SLC35G5: variants seen among roughly 807,000 people sequenced by gnomAD.
SLC35G5 encodes the protein solute carrier family 35 member G5.
A neutral mutation model predicts 17.6 loss-of-function variants in SLC35G5; 14 were observed. That is an observed-to-expected ratio of 0.79 (90% CI 0.52 to 1.24). SLC35G5 has a LOEUF of 1.24. Among genes scored for constraint, SLC35G5 ranks in the 50% most tolerant of loss-of-function variants. The pLI, the probability that SLC35G5 is intolerant of heterozygous loss-of-function variation, is 0.00. For synonymous variants in SLC35G5, 236 were observed against 194.9 expected, an observed-to-expected ratio of 1.21 and a Z score of -1.76; for missense variants, 541 against 430.3, an observed-to-expected ratio of 1.26 and a Z score of -2.28.
rs1442810597 is a variant in SLC35G5, at chr8:11,331,752, C to G, written c.646C>G (p.Pro216Ala). ...GLLVYRSLHF[P>A]SCLPTVAFLS... is the part of the protein sequence containing the mutation. ...TCTGGTCTATCGTTCTCTGCACTTT[C>G]CCTCCTGCCTCCCAACAGTGGCCTT... The change falls in exon 1 of 1, where the codon CCC (proline) becomes GCC (alanine). Residue 216 changes from proline (P) to alanine (A), a missense_variant. Physicochemically the swap from Pro to Ala is conservative, Grantham distance 27. Transcript: ENST00000382435. 1.2e-6 allele frequency: 2 copies of G among 1,611,860 alleles called. No homozygotes were observed. The highest frequency in any genetic ancestry group is 4.5e-5 in the East Asian group (2 of 44,890).
At position 11,331,381 on chromosome 8, in the gene SLC35G5, A is replaced by AC; in HGVS notation, c.280dup (p.Leu94ProfsTer6). On this transcript the variant is annotated frameshift_variant, in exon 1 of 1. Transcript: ENST00000382435. LOFTEE classifies it high-confidence loss of function. The stretch of plus-strand genomic sequence containing the variant: ...GCCCTGCTACTTAAACTGCGTGGCG[A>AC]CCCCCTTCTGGGACCTCCTGACATC... 6.2e-7 allele frequency: 1 copy of AC among 1,612,910 alleles called. No individual in the cohort carries two copies. Among genetic ancestry groups the AC allele is most frequent in the Non-Finnish European group, 8.5e-7 (1 of 1,179,598 alleles).
At position 11,331,362 on chromosome 8, in the gene SLC35G5, C is replaced by G. The variant is rs765056838; in HGVS notation, c.256C>G (p.Leu86Val). The G allele has an allele frequency of 2.8e-5, 45 of 1,613,892 alleles. No individual in the cohort carries two copies. In the South Asian group the frequency reaches 4.6e-4, roughly 17 times the overall value. Residue 86 changes from leucine to valine, a missense_variant, in exon 1 of 1, where the codon CTA becomes GTA. Leu to Val is a conservative substitution (Grantham distance 32, BLOSUM62 1). Transcript: ENST00000382435. Reference protein sequence around the residue: ...RCLFHLPIALLLKLRGDPLLG... With the variant: ...RCLFHLPIALVLKLRGDPLLG... ...CCTCTTCCACCTCCCTATTGCCCTG[C>G]TACTTAAACTGCGTGGCGACCCCCT...
Position 11,331,419 on chromosome 8 carries a change from T to C in SLC35G5, c.313T>C (p.Cys105Arg). The C allele has an allele frequency of 6.2e-7, 1 of 1,613,954 alleles. No homozygotes were observed. The highest frequency in any genetic ancestry group is 8.5e-7 in the Non-Finnish European group (1 of 1,179,808). ...LGPPDIRGWA[C>R]FCALLNVLSI... ...ACCTCCTGACATCCGAGGCTGGGCC[T>C]GCTTCTGTGCCCTGCTCAACGTCCT... The change falls in exon 1 of 1, where the codon TGC (cysteine) becomes CGC (arginine). Residue 105 changes from cysteine (C) to arginine (R), a missense_variant. Coordinates refer to ENST00000382435, the MANE Select transcript of SLC35G5 (RefSeq NM_054028.2).
In SLC35G5 at chr8:11,331,644, C is replaced by T. The variant is rs557243487; in HGVS notation, c.538C>T (p.Leu180=). The change falls in exon 1 of 1, where the codon CTA becomes TTA. Residue 180 remains leucine (L), a synonymous_variant. Transcript: ENST00000382435. The part of the protein sequence containing the change: ...IIILGPGLWT[L]QEGTTGVYTT... The stretch of plus-strand genomic sequence containing the variant: ...CATTCTGGGACCTGGACTCTGGACA[C>T]TACAGGAGGGGACCACAGGTGTCTA... The T allele has an allele frequency of 1.2e-6, 2 of 1,612,216 alleles. No homozygotes were observed. Among genetic ancestry groups the T allele is most frequent in the Admixed American group, 1.7e-5 (1 of 59,986 alleles).
Position 11,331,879 on chromosome 8 carries a change from C to G in SLC35G5, c.773C>G (p.Ala258Gly). The G allele has an allele frequency of 6.2e-7, 1 of 1,612,032 alleles. No homozygotes were observed. Among genetic ancestry groups the G allele is most frequent in the Non-Finnish European group, 8.5e-7 (1 of 1,179,856 alleles). The stretch of plus-strand genomic sequence containing the variant: ...CTCCTGAGTTGGAGTTGTGTGGGGG[C>G]AGAGGGGATCCTCGCCTTGGTCTCC... ...SDLLSWSCVG[A>G]EGILALVSFT... The change falls in exon 1 of 1, where the codon GCA becomes GGA. Residue 258 changes from alanine (A) to glycine (G), a missense_variant. Transcript: ENST00000382435.
chr8:11,332,135 G>T lies in SLC35G5; in HGVS notation c.*12G>T. 6 of 1,611,702 alleles carry T rather than the reference G, an allele frequency of 3.7e-6. No homozygotes were observed. The highest frequency in any genetic ancestry group is 4.2e-6 in the Non-Finnish European group (5 of 1,179,792). On this transcript the variant is annotated 3_prime_UTR_variant, in exon 1 of 1. Transcript: ENST00000382435. ...AGGTGGAGGAGTGAGATAGAACTTGGGAGCCCGGGGGTTGGGAGGGACAGG... is the reference window on the plus strand; with the variant it reads ...AGGTGGAGGAGTGAGATAGAACTTGTGAGCCCGGGGGTTGGGAGGGACAGG...
In SLC35G5 at chr8:11,331,408, G is replaced by A. The variant is rs767041811; in HGVS notation, c.302G>A (p.Arg101Gln). ...GDPLLGPPDI[R>Q]GWACFCALLN... ...CCCCTTCTGGGACCTCCTGACATCC[G>A]AGGCTGGGCCTGCTTCTGTGCCCTG... Residue 101 changes from arginine (R) to glutamine (Q), a missense_variant, in exon 1 of 1, where the codon CGA becomes CAA. Arg to Gln is a conservative substitution (Grantham distance 43). Coordinates refer to ENST00000382435, the MANE Select transcript of SLC35G5 (RefSeq NM_054028.2). 4.4e-5 allele frequency: 71 copies of A among 1,613,810 alleles called. No individual in the cohort carries two copies. The highest frequency in any genetic ancestry group is 3.3e-4 in the Middle Eastern group (2 of 6,076).
In SLC35G5 at chr8:11,331,273, C is replaced by G. The variant is rs143349475; in HGVS notation, c.167C>G (p.Pro56Arg). ...GGGLPAGFVGPLSRMAYQGSN... is the reference protein window; with the variant it reads ...GGGLPAGFVGRLSRMAYQGSN... Reference sequence around the variant, plus strand: ...GGCCTGCCTGCTGGCTTCGTGGGCCCCCTTTCTCGTATGGCTTACCAGGGT... The same window carrying G: ...GGCCTGCCTGCTGGCTTCGTGGGCCGCCTTTCTCGTATGGCTTACCAGGGT... The change falls in exon 1 of 1, where the codon CCC becomes CGC. Residue 56 changes from proline to arginine, a missense_variant. Physicochemically the swap from Pro to Arg is moderately radical, Grantham distance 103. Coordinates refer to ENST00000382435, the MANE Select transcript of SLC35G5 (RefSeq NM_054028.2). 3,490 of 1,614,006 alleles carry G rather than the reference C, an allele frequency of 2.2e-3. 8 individuals carry two copies. The highest frequency in any genetic ancestry group is 2.5e-3 in the Non-Finnish European group (2,958 of 1,179,918).
In SLC35G5 at chr8:11,331,059, G is replaced by A. The variant is rs777438120; in HGVS notation, c.-48G>A. 5.8e-6 allele frequency: 9 copies of A among 1,548,282 alleles called. No individual in the cohort carries two copies. The highest frequency in any genetic ancestry group is 2.1e-4 in the Middle Eastern group (1 of 4,740). ...AGGTCACAATGGCTGGAGCTCTGAG[G>A]GGCCCAGGCTCCCTGAGCCAGGAGG... On this transcript the variant is annotated 5_prime_UTR_variant, in exon 1 of 1. Coordinates refer to ENST00000382435, the MANE Select transcript of SLC35G5 (RefSeq NM_054028.2).
Position 11,332,281 on chromosome 8 carries a change from G to T in SLC35G5, c.*158G>T, listed in dbSNP as rs1801268037. The T allele has an allele frequency of 2.5e-6, 3 of 1,214,984 alleles. No homozygotes were observed. The highest frequency in any genetic ancestry group is 2.0e-5 in the South Asian group (1 of 50,202). The allele number at this position is 1,214,984 out of a possible 1,614,324, so 75.3% of individuals were successfully genotyped here. On this transcript the variant is annotated 3_prime_UTR_variant, in exon 1 of 1. Transcript: ENST00000382435. ...GCACATTATAATATTGAGATGTTCA[G>T]TTATAATAAAAATATCACAAAGCAT... is the stretch of plus-strand genomic sequence containing the variant.
rs1227406170 is a variant in SLC35G5, at chr8:11,331,020, C to T, written c.-87C>T. The T allele has an allele frequency of 1.3e-5, 19 of 1,507,450 alleles. No homozygotes were observed. In the Admixed American group the frequency reaches 1.7e-4, roughly 13 times the overall value. 93.4% of individuals were successfully genotyped at this position (1,507,450 alleles called of 1,614,324 possible). ...AGGAGAGTTCCAGGGAAGAACCCCA[C>T]CCGCACTCCAATGAGGTCACAATGG... On this transcript the variant is annotated 5_prime_UTR_variant, in exon 1 of 1. Transcript: ENST00000382435.
chr8:11,332,259 C>A lies in SLC35G5; in HGVS notation c.*136C>A. 7.4e-7 allele frequency: 1 copy of A among 1,345,744 alleles called. No individual in the cohort carries two copies. The highest frequency in any genetic ancestry group is 1.6e-5 in the South Asian group (1 of 64,106). 83.4% of individuals were successfully genotyped at this position (1,345,744 alleles called of 1,614,324 possible). On this transcript the variant is annotated 3_prime_UTR_variant, in exon 1 of 1. Transcript: ENST00000382435. Reference sequence around the variant, plus strand: ...GAGTGAAAGTCTAACTTCCATAGCACATTATAATATTGAGATGTTCAGTTA... The same window carrying A: ...GAGTGAAAGTCTAACTTCCATAGCAAATTATAATATTGAGATGTTCAGTTA...
chr8:11,332,305 A>G lies in SLC35G5; in HGVS notation c.*182A>G, dbSNP rs1275506822. ...AGTTATAATAAAAATATCACAAAGC[A>G]TGCAAACAAATGAGAAATCTGGCTT... On this transcript the variant is annotated 3_prime_UTR_variant, in exon 1 of 1. Coordinates refer to ENST00000382435, the MANE Select transcript of SLC35G5 (RefSeq NM_054028.2). The G allele has an allele frequency of 9.5e-6, 10 of 1,056,438 alleles. No individual in the cohort carries two copies. Among genetic ancestry groups the G allele is most frequent in the East Asian group, 5.6e-5 (2 of 35,430 alleles). The allele number at this position is 1,056,438 out of a possible 1,614,324, so 65.4% of individuals were successfully genotyped here.
In SLC35G5 at chr8:11,331,733, C is replaced by T; in HGVS notation, c.627C>T (p.Val209=). ...TGGCGCTGTCCCTGGGGCTTCTGGT[C>T]TATCGTTCTCTGCACTTTCCCTCCT... is the stretch of plus-strand genomic sequence containing the variant. The part of the protein sequence containing the change: ...GGLALSLGLL[V]YRSLHFPSCL... The change falls in exon 1 of 1, where the codon GTC becomes GTT. Residue 209 remains valine, a synonymous_variant. Transcript: ENST00000382435. 6.2e-7 allele frequency: 1 copy of T among 1,611,990 alleles called. No individual in the cohort carries two copies. The highest frequency in any genetic ancestry group is 8.5e-7 in the Non-Finnish European group (1 of 1,179,842).
Position 11,331,199 on chromosome 8 carries a change from C to T in SLC35G5, c.93C>T (p.Cys31=). 1 of 1,614,010 alleles carries T rather than the reference C, an allele frequency of 6.2e-7. No homozygotes were observed. The highest frequency in any genetic ancestry group is 8.5e-7 in the Non-Finnish European group (1 of 1,180,002). The change falls in exon 1 of 1, where the codon TGC becomes TGT. Residue 31 remains cysteine, a synonymous_variant. Transcript: ENST00000382435. Reference sequence around the variant, plus strand: ...CCAGCCTCCGCTGGCACCAGCGCTGCCAGCCCTCTGGTGCCACCAATGGCC... The same window carrying T: ...CCAGCCTCCGCTGGCACCAGCGCTGTCAGCCCTCTGGTGCCACCAATGGCC... ...APPSLRWHQR[C]QPSGATNGLL...
At position 11,331,239 on chromosome 8, in the gene SLC35G5, C is replaced by G. The variant is rs538767857; in HGVS notation, c.133C>G (p.Leu45Val). The G allele has an allele frequency of 1.1e-5, 17 of 1,612,910 alleles. 1 individual carries two copies. The Middle Eastern group carries it at 1.2e-3, about 113-fold the overall frequency. ...CACCAATGGCCTGCTGGTGGCCCTG[C>G]TGGGTGGGGGCCTGCCTGCTGGCTT... ...GATNGLLVALLGGGLPAGFVG... is the reference protein window; with the variant it reads ...GATNGLLVALVGGGLPAGFVG... Residue 45 changes from leucine to valine, a missense_variant, in exon 1 of 1, where the codon CTG (leucine) becomes GTG (valine). Leu to Val is a conservative substitution (Grantham distance 32, BLOSUM62 1). Transcript: ENST00000382435.
rs766181007 is a variant in SLC35G5 at position 11,331,839 on chromosome 8, G to A, written c.733G>A (p.Val245Met). ...VPGLFVLQTPVLPSDLLSWSC... is the reference protein window; with the variant it reads ...VPGLFVLQTPMLPSDLLSWSC... ...AGGCCTCTTTGTGCTGCAGACCCCC[G>A]TGTTGCCCAGTGACCTCCTGAGTTG... Residue 245 changes from valine (V) to methionine (M), a missense_variant, in exon 1 of 1, where the codon GTG (valine) becomes ATG (methionine). By Grantham distance (21) the Val-to-Met change is conservative. Transcript: ENST00000382435. The A allele has an allele frequency of 2.9e-5, 47 of 1,611,942 alleles. No individual in the cohort carries two copies. Among genetic ancestry groups the A allele is most frequent in the African/African-American group, 1.5e-4 (11 of 74,940 alleles).
In SLC35G5 at chr8:11,331,154, A is replaced by G. The variant is rs768021703; in HGVS notation, c.48A>G (p.Pro16=). The change falls in exon 1 of 1, where the codon CCA becomes CCG. Residue 16 remains proline (P), a synonymous_variant. Coordinates refer to ENST00000382435, the MANE Select transcript of SLC35G5 (RefSeq NM_054028.2). ...PYFNLPDSTH[P]SPPSAPPSLR... ...TCAACCTGCCTGACTCCACACACCC[A>G]TCGCCGCCCTCCGCTCCACCCAGCC... 2 of 1,611,636 alleles carry G rather than the reference A, an allele frequency of 1.2e-6. No homozygotes were observed. Among genetic ancestry groups the G allele is most frequent in the East Asian group, 2.2e-5 (1 of 44,810 alleles).
Position 11,331,437 on chromosome 8 carries a change from A to G in SLC35G5, c.331A>G (p.Asn111Asp). 6.2e-7 allele frequency: 1 copy of G among 1,614,002 alleles called. No individual in the cohort carries two copies. Among genetic ancestry groups the G allele is most frequent in the Non-Finnish European group, 8.5e-7 (1 of 1,179,864 alleles). Residue 111 changes from asparagine to aspartate, a missense_variant, in exon 1 of 1, where the codon AAC becomes GAC. Coordinates refer to ENST00000382435, the MANE Select transcript of SLC35G5 (RefSeq NM_054028.2). ...CTGGGCCTGCTTCTGTGCCCTGCTC[A>G]ACGTCCTCAGCATTGGATGTGCCTA... ...RGWACFCALLNVLSIGCAYSA... is the reference protein window; with the variant it reads ...RGWACFCALLDVLSIGCAYSA...
Sources: allele counts gnomAD v4.1 joint callset, GRCh38; gene constraint gnomAD v4.1.1; transcripts MANE v1.5; gene names NCBI Gene and HGNC (gene_info 2026-07-23, HGNC 2026-07-21).